The following TCF4 variants were observed in gnomAD, a reference collection of about 807,000 sequenced individuals.
TCF4 encodes the protein SL3-3 enhancer factor 2.
Under a neutral mutation model 82.1 loss-of-function variants are expected in TCF4, and 3 were observed. The ratio of observed to expected loss-of-function variants is 0.04; its 90% CI spans 0.02 to 0.09. TCF4 has a LOEUF of 0.09. TCF4 is among the 10% of genes least tolerant of loss of function. TCF4 has a pLI of 1.00. For synonymous variants in TCF4, 276 were observed against 309.6 expected (o/e 0.89, Z 1.14); for missense variants, 518 against 852.7 (o/e 0.61, Z 4.89).
chr18:55,388,488 C>T (rs2092789120), intron 6 of TCF4, among the ~76,000 whole-genome samples: 1 of 152,232 alleles, frequency 6.6e-6, no homozygotes, highest in Non-Finnish European at 1.5e-5. Flanking sequence ...AAAGACAATG[C>T]TCCTGATATA....
At chr18:55,341,056 C>T (rs1332061867) in intron 8 of TCF4, among the ~76,000 whole-genome samples, 1 of 152,210 alleles carries the variant, frequency 6.6e-6, no homozygotes, top group Non-Finnish European at 1.5e-5. Flanking sequence ...CTGATGATCA[C>T]TCTACAGTGA....
At chr18:55,597,272 G>T (rs1234520159) in intron 2 of TCF4, among the ~76,000 whole-genome samples, 1 of 152,114 alleles carries the variant, frequency 6.6e-6, no homozygotes, top group East Asian at 1.9e-4. Flanking sequence ...TGCTAGCAAG[G>T]GTATTCATGA....
intron 8 of TCF4, among the ~76,000 whole-genome samples, chr18:55,282,604 A>T (rs1335334498): frequency 6.6e-6 from 1 of 152,116 alleles, no homozygotes; most frequent in East Asian, 1.9e-4. Context: ...TTCTAAGTAT[A>T]TAGAAAGTTT....
intron 3 of TCF4, among the ~76,000 whole-genome samples, chr18:55,534,807 A>G (rs989382337): frequency 2.6e-5 from 4 of 152,264 alleles, no homozygotes. Context: ...TGTCAACAGA[A>G]TGACACAGTG....
At chr18:55,635,638 T>A in intron 1 of TCF4, 1 of 1,501,494 alleles carries the variant, frequency 6.7e-7, no homozygotes, top group Admixed American at 2.2e-5. Flanking sequence ...ATGGTGGCCA[T>A]GGGAGATCAT....
intron 6 of TCF4, among the ~76,000 whole-genome samples, chr18:55,380,609 A>G (rs1399273350): frequency 6.6e-6 from 1 of 152,204 alleles, no homozygotes; most frequent in Non-Finnish European, 1.5e-5. Context: ...AAGCAGCCCA[A>G]AACGATAAAT....
intron 5 of TCF4, among the ~76,000 whole-genome samples, chr18:55,428,904 C>G (rs1001485374): frequency 2.0e-5 from 3 of 151,978 alleles, no homozygotes; most frequent in African/African-American, 4.8e-5. Flanking sequence ...GATGAGAGGT[C>G]TACTCTGGAG....
At chr18:55,485,834 G>C (rs528847923) in intron 3 of TCF4, among the ~76,000 whole-genome samples, 1 of 152,326 alleles carries the variant, frequency 6.6e-6, no homozygotes, top group East Asian at 1.9e-4. Context: ...TGAAGGTTAA[G>C]AACCTCACTC....
intron 3 of TCF4, among the ~76,000 whole-genome samples, chr18:55,466,314 G>A (rs188369061): frequency 2.6e-5 from 4 of 152,206 alleles, no homozygotes; most frequent in South Asian, 2.1e-4. Context: ...TGGGAAACAC[G>A]GCAAGATTCT....
intron 3 of TCF4, among the ~76,000 whole-genome samples, chr18:55,543,822 C>T (rs1214345350): frequency 6.6e-6 from 1 of 152,086 alleles, no homozygotes; most frequent in Admixed American, 6.6e-5. Context: ...GCCAATAATT[C>T]CCAAAATACC....
At chr18:55,612,545 G>C (rs1323874277) in intron 2 of TCF4, among the ~76,000 whole-genome samples, 2 of 149,246 alleles carry the variant, frequency 1.3e-5, no homozygotes, top group African/African-American at 4.9e-5. Flanking sequence ...TTGTTGTAAT[G>C]AAAAAAAAAC....
intron 8 of TCF4, among the ~76,000 whole-genome samples, chr18:55,337,206 C>G (rs950056355): frequency 1.3e-5 from 2 of 152,118 alleles, no homozygotes; most frequent in East Asian, 3.8e-4. Context: ...AAGAGATACA[C>G]TCTAATTACC....
chr18:55,323,724 G>A (rs1277414817), intron 8 of TCF4, among the ~76,000 whole-genome samples: 2 of 152,224 alleles, frequency 1.3e-5, no homozygotes, highest in Non-Finnish European at 2.9e-5. Context: ...ACCTACCAGA[G>A]GACAGTATGT....
intron 5 of TCF4, among the ~76,000 whole-genome samples, chr18:55,425,155 T>G (rs558290539): frequency 1.3e-5 from 2 of 152,172 alleles, no homozygotes; most frequent in Non-Finnish European, 2.9e-5. Context: ...AAAAATGAAA[T>G]AGAGTACAGG....
At chr18:55,631,060 T>TTA (rs2148004447) in intron 2 of TCF4, among the ~76,000 whole-genome samples, 1 of 151,700 alleles carries the variant, frequency 6.6e-6, no homozygotes, top group African/African-American at 2.4e-5. Flanking sequence ...GGTTTTTTTT[T>TTA]TTTTTTTGAA....
At chr18:55,422,125 CAAAAAAAAAAAAAAA>C (rs555892552) in intron 5 of TCF4, 1 of 292,646 alleles carries the variant, frequency 3.4e-6, no homozygotes, top group Non-Finnish European at 4.3e-6. Context: ...CACTATCATC[CAAAAAAAAAAAAAAA>C]AAAAAAAACC....
At chr18:55,465,004 A>T (rs2048209914) in intron 3 of TCF4, among the ~76,000 whole-genome samples, 1 of 152,242 alleles carries the variant, frequency 6.6e-6, no homozygotes, top group Admixed American at 6.5e-5. Context: ...TGCTTAAAAC[A>T]TAAAAGTGTT....
intron 3 of TCF4, among the ~76,000 whole-genome samples, chr18:55,570,580 G>C (rs2097454279): frequency 6.6e-6 from 1 of 152,046 alleles, no homozygotes; most frequent in African/African-American, 2.4e-5. Context: ...TCAAGGAAAT[G>C]CAAATTAAGA....
intron 5 of TCF4, among the ~76,000 whole-genome samples, chr18:55,431,425 A>G (rs1474087180): frequency 6.6e-6 from 1 of 152,056 alleles, no homozygotes; most frequent in Admixed American, 6.6e-5. Flanking sequence ...GATTACAGGC[A>G]CCTGCCACCA....
Sources: gnomAD v4.1 joint callset for allele counts (sites outside exome capture counted in the v4.1 genomes callset) on GRCh38, gnomAD v4.1.1 for gene constraint, MANE v1.5 for transcripts, NCBI Gene and HGNC (gene_info 2026-07-23, HGNC 2026-07-21) for gene names.